Variants in DDX60L observed in about 807,000 individuals in gnomAD.
DDX60L encodes DExD/H-box 60 like.
DDX60L carries 191 observed loss-of-function variants against 211.6 expected under a neutral mutation model. The observed-to-expected ratio is 0.90, with a 90% CI of 0.80 to 1.02. The LOEUF is 1.02. DDX60L is among the 50% of genes least tolerant of loss of function. The pLI, the probability that DDX60L is intolerant of heterozygous loss-of-function variation, is 0.00. For missense variants in DDX60L, 2,007 were observed against 1,984.1 expected, an observed-to-expected ratio of 1.01 and a Z score of -0.22; for synonymous variants, 706 against 694.1, an observed-to-expected ratio of 1.02 and a Z score of -0.27.
At chr4:168,419,506 A>C in intron 18 of DDX60L, 109 bp from the exon 19 acceptor site, 1 of 627,578 alleles carries the variant, frequency 1.6e-6, no homozygotes, top group South Asian at 3.0e-5. Context: ...AGTTTCATTA[A>C]GATAATATTG....
intron 33 of DDX60L, chr4:168,377,760 T>C (rs1742231397): frequency 6.6e-6 from 1 of 152,196 alleles, no homozygotes; most frequent in Non-Finnish European, 1.5e-5. Flanking sequence ...GGTTACTGGA[T>C]AGAAACAAGC....
intron 4 of DDX60L, among the ~76,000 whole-genome samples, chr4:168,463,114 C>T (rs530652351): frequency 7.6e-4 from 116 of 152,240 alleles, no homozygotes; most frequent in African/African-American, 2.5e-3. Context: ...CCATTCGACC[C>T]AGCAATCCCA....
Position 168,371,639 on chromosome 4 carries a change from C to T in DDX60L, c.4901G>A (p.Cys1634Tyr). 1 of 1,570,608 alleles carries T rather than the reference C, an allele frequency of 6.4e-7. No homozygotes were observed. The highest frequency in any genetic ancestry group is 1.9e-5 in the Admixed American group (1 of 53,516). Residue 1634 changes from cysteine (C) to tyrosine (Y), a missense_variant, in exon 36 of 38, where the codon TGC becomes TAC. By Grantham distance (194) the Cys-to-Tyr change is radical. Transcript: ENST00000682922. ...AYVLNFYKHNCLTRLDQKNGM... is the reference protein window; with the variant it reads ...AYVLNFYKHNYLTRLDQKNGM... The stretch of plus-strand genomic sequence containing the variant: ...ATTTTTTTGGTCTAATCTTGTCAAG[C>T]AGTTGTGTTTATAGAAATTGAGCAC...
At chr4:168,390,456 C>T in intron 29 of DDX60L, 1 of 1,358,240 alleles carries the variant, frequency 7.4e-7, no homozygotes, top group Non-Finnish European at 9.4e-7. Flanking sequence ...CCTAAAAGGT[C>T]ATGAAATGGA....
At chr4:168,367,768 G>C (rs182819083) in intron 36 of DDX60L, among the ~76,000 whole-genome samples, 1 of 152,314 alleles carries the variant, frequency 6.6e-6, no homozygotes, top group East Asian at 1.9e-4. Context: ...GGTCTCAGAT[G>C]GAAATGAGGA....
At chr4:168,415,619 T>TA in intron 21 of DDX60L, 38 bp downstream of exon 21, 1 of 1,455,580 alleles carries the variant, frequency 6.9e-7, no homozygotes. Flanking sequence ...TAGTAAAATA[T>TA]AAAAATATAT....
intron 24 of DDX60L, 49 bp from the exon 25 acceptor site, chr4:168,404,155 A>T: frequency 8.6e-7 from 1 of 1,160,170 alleles, no homozygotes; most frequent in Non-Finnish European, 1.1e-6. Flanking sequence ...GAATTTGTGG[A>T]AACAGAAGAA....
At chr4:168,413,956 C>A (rs575230472) in intron 22 of DDX60L, among the ~76,000 whole-genome samples, 28 of 151,872 alleles carry the variant, frequency 1.8e-4, no homozygotes, top group Non-Finnish European at 3.2e-4. Flanking sequence ...TCCCAAAGGT[C>A]AAGAATAAAG....
intron 10 of DDX60L, among the ~76,000 whole-genome samples, chr4:168,440,883 G>A (rs1229359579): frequency 2.0e-5 from 3 of 152,116 alleles, no homozygotes; most frequent in African/African-American, 7.2e-5. Flanking sequence ...AAGCATAATG[G>A]TAAATACAAC....
At chr4:168,396,626 C>A (rs528119921) in intron 26 of DDX60L, among the ~76,000 whole-genome samples, 1 of 152,142 alleles carries the variant, frequency 6.6e-6, no homozygotes, top group Non-Finnish European at 1.5e-5. Flanking sequence ...CCATTAAATA[C>A]TCTTTATTTT....
rs913062660 is a variant in DDX60L, at chr4:168,378,432, T to C, written c.4407A>G (p.Leu1469=). 3 of 1,576,118 alleles carry C rather than the reference T, an allele frequency of 1.9e-6. No individual in the cohort carries two copies. The highest frequency in any genetic ancestry group is 3.6e-5 in the Admixed American group (2 of 55,292). Residue 1469 remains leucine, a synonymous_variant, in exon 33 of 38, where the codon TTA becomes TTG. Coordinates refer to ENST00000682922, the MANE Select transcript of DDX60L (RefSeq NM_001012967.3). ...TTCTTCCAAACAAATTTGCCAATACTAACACGAGCTTTTCCATCACATCTT... is the reference window on the plus strand; with the variant it reads ...TTCTTCCAAACAAATTTGCCAATACCAACACGAGCTTTTCCATCACATCTT... ...FSQDVMEKLV[L]VLANLFGRKY... is the part of the protein sequence containing the mutation.
intron 10 of DDX60L, among the ~76,000 whole-genome samples, chr4:168,439,616 C>CA (rs1214628716): frequency 6.6e-6 from 1 of 152,134 alleles, no homozygotes; most frequent in African/African-American, 2.4e-5. Context: ...CTCAAAACAA[C>CA]AAAAATCAAC....
At chr4:168,464,350 A>T (rs1056250832) in intron 4 of DDX60L, among the ~76,000 whole-genome samples, 3 of 152,178 alleles carry the variant, frequency 2.0e-5, no homozygotes, top group Non-Finnish European at 4.4e-5. Context: ...TTAAATTAGA[A>T]ATCAATAACA....
intron 36 of DDX60L, among the ~76,000 whole-genome samples, chr4:168,362,214 G>T (rs751727380): frequency 6.6e-6 from 1 of 152,186 alleles, no homozygotes; most frequent in African/African-American, 2.4e-5. Context: ...ATTTGCATGT[G>T]CCTGGCCTGA....
chr4:168,429,995 C>T (rs528220221), intron 13 of DDX60L, among the ~76,000 whole-genome samples: 4 of 152,074 alleles, frequency 2.6e-5, no homozygotes, highest in East Asian at 1.9e-4. Context: ...GTCGGGAGTT[C>T]GAGACCAGCC....
intron 9 of DDX60L, among the ~76,000 whole-genome samples, chr4:168,441,703 G>A (rs143051708): frequency 6.6e-6 from 1 of 152,036 alleles, no homozygotes; most frequent in African/African-American, 2.4e-5. Flanking sequence ...ATAATGCAGA[G>A]CCAGGTACTG....
At position 168,375,402 on chromosome 4, in the gene DDX60L, C is replaced by T. The variant is rs964262767; in HGVS notation, c.4608G>A (p.Glu1536=). The change falls in exon 34 of 38, where the codon GAG becomes GAA. Residue 1536 remains glutamate (E), a synonymous_variant. Transcript: ENST00000682922. ...IASKSVNMKK[E]HQLPLSRIKF... Reference sequence around the variant, plus strand: ...TGATTCTTGACAAAGGGAGTTGATGCTCTTTTTTCATGTTCACCGACTTGG... The same window carrying T: ...TGATTCTTGACAAAGGGAGTTGATGTTCTTTTTTCATGTTCACCGACTTGG... The T allele has an allele frequency of 1.2e-6, 2 of 1,612,644 alleles. No individual in the cohort carries two copies. Among genetic ancestry groups the T allele is most frequent in the Admixed American group, 1.7e-5 (1 of 59,784 alleles).
At chr4:168,416,538 G>A in intron 20 of DDX60L, 144 bp downstream of exon 20, 1 of 484,168 alleles carries the variant, frequency 2.1e-6, no homozygotes, top group Non-Finnish European at 3.4e-6. Flanking sequence ...GGGCAACAAA[G>A]CAAGACCACT....
chr4:168,396,192 T>C, intron 26 of DDX60L, 68 bp from the exon 27 acceptor site: 2 of 966,104 alleles, frequency 2.1e-6, no homozygotes, highest in Non-Finnish European at 3.0e-6. Flanking sequence ...GCAAGAAGCC[T>C]AAGGCCCCAC....
Sources: allele counts gnomAD v4.1 joint callset (sites outside exome capture counted in the v4.1 genomes callset), GRCh38; gene constraint gnomAD v4.1.1; transcripts MANE v1.5; gene names NCBI Gene and HGNC (gene_info 2026-07-23, HGNC 2026-07-21).